Variants in ZNF462 observed in about 807,000 individuals in gnomAD.
ZNF462 encodes the protein zinc finger protein 462, also known as zinc finger PBX1-interacting protein.
Under a neutral mutation model 201.9 loss-of-function variants are expected in ZNF462, and 10 were observed. The observed-to-expected ratio is 0.05, with a 90% CI of 0.03 to 0.08. The LOEUF (loss-of-function observed/expected upper bound fraction) is 0.08. Among genes scored for constraint, ZNF462 ranks in the 10% least tolerant of loss-of-function variants. The pLI is 1.00. For missense variants in ZNF462, 2,523 were observed against 3,168.3 expected (o/e 0.80, Z 4.89); for synonymous variants, 1,227 against 1,193.3 (o/e 1.03, Z -0.58).
intron 1 of ZNF462, among the ~76,000 whole-genome samples, chr9:106,864,107 T>TCTCCCTCTCC (rs1827212820): frequency 1.0e-5 from 1 of 100,298 alleles, no homozygotes; most frequent in Non-Finnish European, 2.1e-5. Context: ...TCTCTCTCTC[T>TCTCCCTCTCC]CTCCCTCTCC....
Position 106,984,377 on chromosome 9 carries a change from G to A in ZNF462, c.7024G>A (p.Glu2342Lys). ...CTACTATGAGACCAAGCACACGGAG[G>A]AACTGGACAGCCACCTTCGGGATGA... Reference protein sequence around the residue: ...LCYYETKHTEELDSHLRDEHK... With the variant: ...LCYYETKHTEKLDSHLRDEHK... Residue 2342 changes from glutamate (E) to lysine (K), a missense_variant, in exon 10 of 13, where the codon GAA becomes AAA. Glu to Lys is a moderately conservative substitution (Grantham distance 56). Transcript: ENST00000277225. The surrounding 1 kb of genome is among the most constrained non-coding windows in gnomAD (Gnocchi z 6.4). 1.2e-6 allele frequency: 2 copies of A among 1,613,910 alleles called. No individual in the cohort carries two copies. Among genetic ancestry groups the A allele is most frequent in the Non-Finnish European group, 1.7e-6 (2 of 1,179,920 alleles).
chr9:106,907,157 G>C (rs1353447127), intron 1 of ZNF462, among the ~76,000 whole-genome samples: 1 of 152,064 alleles, frequency 6.6e-6, no homozygotes, highest in Non-Finnish European at 1.5e-5. Context: ...CTTGATCTTG[G>C]AGGGATATTT....
In ZNF462 at chr9:106,930,241, C is replaced by G. The variant is rs1830369234; in HGVS notation, c.5848-284C>G. On this transcript the variant is annotated intron_variant, in intron 3 of 12. Transcript: ENST00000277225. The surrounding 1 kb of genome is among the most constrained non-coding windows in gnomAD (Gnocchi z 5.8). ...CAACGTTTCACCTGCCTAGTTGAAA[C>G]TGGTTTGAAAACCAGATGACTTAGT... Among the ~76,000 whole-genome samples the G allele has an allele frequency of 1.3e-5, 2 of 152,120 alleles. No homozygotes were observed. Among genetic ancestry groups the G allele is most frequent in the South Asian group, 4.1e-4 (2 of 4,822 alleles).
At chr9:106,990,128 C>A (rs867430205) in intron 10 of ZNF462, among the ~76,000 whole-genome samples, 1 of 151,920 alleles carries the variant, frequency 6.6e-6, no homozygotes, top group South Asian at 2.1e-4. Context: ...TCATTATTGT[C>A]GTTTGGTTCA....
At chr9:106,941,221 G>A (rs970869736) in intron 7 of ZNF462, among the ~76,000 whole-genome samples, 1 of 152,150 alleles carries the variant, frequency 6.6e-6, no homozygotes, top group African/African-American at 2.4e-5. Flanking sequence ...TCTTCTGAGG[G>A]CTGTACTATG....
intron 7 of ZNF462, among the ~76,000 whole-genome samples, chr9:106,943,811 G>A (rs566498429): frequency 6.6e-6 from 1 of 152,064 alleles, no homozygotes; most frequent in East Asian, 1.9e-4. Context: ...ATTGTACTGG[G>A]TCCTCAAATA....
chr9:106,889,211 C>G (rs145497434), intron 1 of ZNF462, among the ~76,000 whole-genome samples: 69 of 152,280 alleles, frequency 4.5e-4, no homozygotes, highest in African/African-American at 1.6e-3. Flanking sequence ...AGTATGTCCA[C>G]TCCCTATGTA....
At chr9:106,910,369 T>G (rs967280173) in intron 1 of ZNF462, among the ~76,000 whole-genome samples, 4 of 146,632 alleles carry the variant, frequency 2.7e-5, no homozygotes, top group Admixed American at 2.7e-4. Flanking sequence ...TTAGTTTTTT[T>G]TTTTTTTTTT....
intron 10 of ZNF462, among the ~76,000 whole-genome samples, chr9:106,987,506 A>C (rs967481258): frequency 1.8e-4 from 28 of 151,738 alleles, no homozygotes. Context: ...CCACTTTTTC[A>C]TGAGATTGTT....
chr9:106,926,306 G>A lies in ZNF462; in HGVS notation c.2394G>A (p.Glu798=), dbSNP rs1830191137. 6.2e-7 allele frequency: 1 copy of A among 1,614,108 alleles called. No homozygotes were observed. Among genetic ancestry groups the A allele is most frequent in the African/African-American group, 1.3e-5 (1 of 75,014 alleles). ...EIELTLSEDE[E]DYYGSSTNLK... is the part of the protein sequence containing the mutation. Reference sequence around the variant, plus strand: ...AGCTCACCCTTTCTGAAGATGAAGAGGATTATTATGGCTCCTCAACAAACT... The same window carrying A: ...AGCTCACCCTTTCTGAAGATGAAGAAGATTATTATGGCTCCTCAACAAACT... The change falls in exon 3 of 13, where the codon GAG becomes GAA. Residue 798 remains glutamate (E), a synonymous_variant. Transcript: ENST00000277225. The surrounding 1 kb of genome is among the most constrained non-coding windows in gnomAD (Gnocchi z 7.9).
chr9:106,864,252 G>A (rs981133840), intron 1 of ZNF462, among the ~76,000 whole-genome samples: 1 of 151,968 alleles, frequency 6.6e-6, no homozygotes. Context: ...AGGAGCGGCT[G>A]AGGAGCTGTC....
At position 107,008,056 on chromosome 9, in the gene ZNF462, A is replaced by G. The variant is rs574374152; in HGVS notation, c.7190-1489A>G. 6.6e-6 allele frequency among the ~76,000 whole-genome samples: 1 copy of G among 152,160 alleles called. No homozygotes were observed. The highest frequency in any genetic ancestry group is 2.1e-4 in the South Asian group (1 of 4,816). ...TATGGACACGCTGCAGGTCCTGCCT[A>G]GGAAGCTCAGGGAAGATTTGAAAGA... On this transcript the variant is annotated intron_variant, in intron 11 of 12. Transcript: ENST00000277225. This position sits in a 1 kb window ranked among gnomAD's most constrained non-coding sequence, Gnocchi z 4.8.
intron 8 of ZNF462, among the ~76,000 whole-genome samples, chr9:106,973,850 T>G (rs1826779445): frequency 1.3e-5 from 2 of 152,088 alleles, no homozygotes; most frequent in Non-Finnish European, 2.9e-5. Context: ...TAACAGACAA[T>G]TTTTAAGAAT....
At chr9:106,940,912 T>G (rs1282625610) in intron 7 of ZNF462, among the ~76,000 whole-genome samples, 1 of 152,192 alleles carries the variant, frequency 6.6e-6, no homozygotes, top group African/African-American at 2.4e-5. Context: ...CTAACTTGAC[T>G]CAAATTGTAG....
rs906241706 is a variant in ZNF462, at chr9:106,896,821, T to G, written c.-30-26533T>G. ...ACAAGGCATTGACATTTGGTCCACT[T>G]GCTAATAGGCAGTTAATGTTCTGTG... On this transcript the variant is annotated intron_variant, in intron 1 of 12. Transcript: ENST00000277225. Among the ~76,000 whole-genome samples the G allele has an allele frequency of 6.4e-4, 97 of 152,350 alleles. 2 individuals are homozygous for G. Among genetic ancestry groups the G allele is most frequent in the Non-Finnish European group, 1.5e-4 (10 of 68,030 alleles).
At chr9:106,952,582 A>C (rs1831399499) in intron 7 of ZNF462, among the ~76,000 whole-genome samples, 1 of 152,182 alleles carries the variant, frequency 6.6e-6, no homozygotes. Flanking sequence ...TCTGAACTTC[A>C]GGGCTTGGTT....
intron 1 of ZNF462, among the ~76,000 whole-genome samples, chr9:106,877,230 A>G (rs1017429575): frequency 4.6e-5 from 7 of 150,730 alleles, no homozygotes; most frequent in African/African-American, 1.7e-4. Flanking sequence ...AAGATGAAGA[A>G]CATGTAAGTG....
chr9:106,893,916 T>C (rs537788487), intron 1 of ZNF462, among the ~76,000 whole-genome samples: 11 of 152,318 alleles, frequency 7.2e-5, no homozygotes, highest in African/African-American at 2.6e-4. Context: ...CCTACAAACC[T>C]CTTTGAGATT....
intron 1 of ZNF462, among the ~76,000 whole-genome samples, chr9:106,874,664 AG>A (rs1827749144): frequency 6.6e-6 from 1 of 152,264 alleles, no homozygotes; most frequent in Admixed American, 6.5e-5. Context: ...CACGTATTTA[AG>A]GAGGTGGAAT....
Sources: gnomAD v4.1 joint callset for allele counts (sites outside exome capture counted in the v4.1 genomes callset) on GRCh38, gnomAD v4.1.1 for gene constraint, Gnocchi (gnomAD v3.1) non-coding constraint, MANE v1.5 for transcripts, NCBI Gene and HGNC (gene_info 2026-07-23, HGNC 2026-07-21) for gene names.